Variants in ATG4B observed in about 807,000 individuals in gnomAD.
ATG4B encodes the protein autophagy related 4B cysteine peptidase.
A neutral mutation model predicts 56.6 loss-of-function variants in ATG4B; 29 were observed. That is an observed-to-expected ratio of 0.51 (90% CI 0.38 to 0.70). ATG4B has a LOEUF of 0.70. Among genes scored for constraint, ATG4B ranks in the 30% least tolerant of loss-of-function variants. ATG4B has a pLI of 0.00. For synonymous variants in ATG4B, 224 were observed against 206.1 expected, an observed-to-expected ratio of 1.09 and a Z score of -0.74; for missense variants, 461 against 515.5, an observed-to-expected ratio of 0.89 and a Z score of 1.02.
Position 241,673,261 on chromosome 2 carries a change from C to T in ATG4B, c.*997C>T, listed in dbSNP as rs2069041573. On this transcript the variant is annotated 3_prime_UTR_variant, in exon 13 of 13. Coordinates refer to ENST00000404914, the MANE Select transcript of ATG4B (RefSeq NM_013325.5). ...CATCACCTGGTGGCATTTCCAGAAC[C>T]TCAGCCCCGATTCCAGCACCCACCA... 1 of 326,712 alleles carries T rather than the reference C, an allele frequency of 3.1e-6. No homozygotes were observed. The highest frequency in any genetic ancestry group is 6.1e-6 in the Non-Finnish European group (1 of 163,338). 20.2% of individuals were successfully genotyped at this position (326,712 alleles called of 1,614,324 possible). A position where few individuals can be genotyped will look rare whatever the true frequency, so the allele number is the denominator to read the frequency against.
rs2125154245 is a variant in ATG4B at position 241,673,501 on chromosome 2, C to G, written c.*1237C>G. On this transcript the variant is annotated 3_prime_UTR_variant, in exon 13 of 13. Transcript: ENST00000404914. ...TGTGTAGGTCGGGGAGCCAGAGATC[C>G]CCGAGGACGCGCGCCGGACAGTCGG... The G allele has an allele frequency of 5.0e-6, 2 of 401,718 alleles. No individual in the cohort carries two copies. The highest frequency in any genetic ancestry group is 2.1e-5 in the African/African-American group (1 of 48,524). The allele number at this position is 401,718 out of a possible 1,614,324, so 24.9% of individuals were successfully genotyped here. A position where few individuals can be genotyped will look rare whatever the true frequency, so the allele number is the denominator to read the frequency against.
In ATG4B at chr2:241,651,709, G is replaced by T. The variant is rs984062388; in HGVS notation, c.184+374G>T. ...TTTTCGTTTGCATGTTTGAGTGTGT[G>T]TTCTGGGTCACAGCTGTACAATGTG... is the stretch of plus-strand genomic sequence containing the variant. On this transcript the variant is annotated intron_variant, in intron 3 of 12. Coordinates refer to ENST00000404914, the MANE Select transcript of ATG4B (RefSeq NM_013325.5). This position sits in a 1 kb window ranked among gnomAD's most constrained non-coding sequence, Gnocchi z 4.1. 2.0e-5 allele frequency among the ~76,000 whole-genome samples: 3 copies of T among 152,224 alleles called. No individual in the cohort carries two copies. Among genetic ancestry groups the T allele is most frequent in the Non-Finnish European group, 4.4e-5 (3 of 68,030 alleles).
At chr2:241,637,902 GAGC>G in intron 1 of ATG4B, 178 bp downstream of exon 1, 2 of 165,930 alleles carry the variant, frequency 1.2e-5, no homozygotes, top group African/African-American at 2.5e-5. Flanking sequence ...TGGGCGGTGG[GAGC>G]GGGAGGGGGA....
chr2:241,640,590 C>G (rs1021564583), intron 1 of ATG4B, among the ~76,000 whole-genome samples: 3 of 152,228 alleles, frequency 2.0e-5, no homozygotes, highest in African/African-American at 7.2e-5. Flanking sequence ...AGCTAACGTT[C>G]TAGACATGAG....
intron 6 of ATG4B, among the ~76,000 whole-genome samples, chr2:241,658,733 C>T (rs1053175217): frequency 3.3e-5 from 5 of 152,232 alleles, no homozygotes; most frequent in South Asian, 2.1e-4. Flanking sequence ...CAGAGCAGAG[C>T]GTGAAGGTGC....
At position 241,651,912 on chromosome 2, in the gene ATG4B, C is replaced by T. The variant is rs1435771616; in HGVS notation, c.184+577C>T. The T allele has an allele frequency of 1.5e-6, 2 of 1,303,986 alleles. No individual in the cohort carries two copies. Among genetic ancestry groups the T allele is most frequent in the African/African-American group, 1.5e-5 (1 of 65,860 alleles). The allele number at this position is 1,303,986 out of a possible 1,614,324, so 80.8% of individuals were successfully genotyped here. On this transcript the variant is annotated intron_variant, in intron 3 of 12. Transcript: ENST00000404914. The surrounding 1 kb of genome is among the most constrained non-coding windows in gnomAD (Gnocchi z 4.1). ...TTCATCATTGTTGTATACCCTGGAG[C>T]TGGAAGGAGATGGGGACTGGTTCTC...
At chr2:241,653,395 A>G (rs1283353485) in intron 3 of ATG4B, 117 bp from the exon 4 acceptor site, 6 of 1,551,044 alleles carry the variant, frequency 3.9e-6, no homozygotes, top group Non-Finnish European at 5.2e-6. Context: ...GGTGGAGCTG[A>G]TGGAGGAGGG....
chr2:241,667,872 C>A, intron 8 of ATG4B: 4 of 454,800 alleles, frequency 8.8e-6, no homozygotes, highest in East Asian at 3.9e-5. Context: ...CTGCTCACAT[C>A]TCCTGCCAGG....
At chr2:241,655,672 A>G (rs1392775787) in intron 6 of ATG4B, among the ~76,000 whole-genome samples, 5 of 151,798 alleles carry the variant, frequency 3.3e-5, no homozygotes, top group African/African-American at 1.2e-4. Context: ...GGGCCCTTCC[A>G]CCTCTGCAGG....
chr2:241,655,265 C>T lies in ATG4B; in HGVS notation c.386-6C>T, dbSNP rs1315905935. The T allele has an allele frequency of 6.2e-7, 1 of 1,609,338 alleles. No homozygotes were observed. The highest frequency in any genetic ancestry group is 8.5e-7 in the Non-Finnish European group (1 of 1,177,950). On this transcript the variant is annotated splice_region_variant and splice_polypyrimidine_tract_variant and intron_variant, in intron 5 of 12. Transcript: ENST00000404914. ...TGTGTTGCTAATGTGTATCTGTTCC[C>T]TGCAGCGCAAATGGGAGTTGGCGAA...
At chr2:241,663,557 A>G (rs1217361837) in intron 7 of ATG4B, among the ~76,000 whole-genome samples, 1 of 152,256 alleles carries the variant, frequency 6.6e-6, no homozygotes, top group African/African-American at 2.4e-5. Flanking sequence ...CAGTACTAGT[A>G]TATGGGTTCT....
At chr2:241,671,083 G>A (rs1308956928) in intron 11 of ATG4B, among the ~76,000 whole-genome samples, 2 of 152,206 alleles carry the variant, frequency 1.3e-5, no homozygotes, top group Admixed American at 6.5e-5. Flanking sequence ...GAGCTACGCC[G>A]GCCGAGTGCG....
In ATG4B at chr2:241,666,526, T is replaced by C. The variant is rs542361345; in HGVS notation, c.539-119T>C. ...TATATTTTCCAAGTTTGAATTTCAC[T>C]GTAAGCACCTGGCTTTGTACCGCCC... is the stretch of plus-strand genomic sequence containing the variant. On this transcript the variant is annotated intron_variant, in intron 7 of 12. Coordinates refer to ENST00000404914, the MANE Select transcript of ATG4B (RefSeq NM_013325.5). 1.3e-4 allele frequency: 133 copies of C among 1,056,636 alleles called. No homozygotes were observed. The East Asian group carries it at 3.5e-3, about 27-fold the overall frequency. The allele number at this position is 1,056,636 out of a possible 1,614,324, so 65.5% of individuals were successfully genotyped here. A position where few individuals can be genotyped will look rare whatever the true frequency, so the allele number is the denominator to read the frequency against.
At chr2:241,667,991 G>A in intron 8 of ATG4B, 152 bp from the exon 9 acceptor site, 1 of 675,396 alleles carries the variant, frequency 1.5e-6, no homozygotes, top group Non-Finnish European at 2.5e-6. Context: ...GGTCTTTCCT[G>A]GACAGTAAGC....
intron 6 of ATG4B, among the ~76,000 whole-genome samples, chr2:241,657,305 A>AT (rs1180114345): frequency 2.1e-5 from 2 of 94,786 alleles, no homozygotes; most frequent in Non-Finnish European, 4.3e-5. Flanking sequence ...TTTTTTTTTT[A>AT]TTTTTTTTCC....
chr2:241,651,072 C>T lies in ATG4B; in HGVS notation c.73C>T (p.Pro25Ser). 1 of 1,613,894 alleles carries T rather than the reference C, an allele frequency of 6.2e-7. No individual in the cohort carries two copies. Among genetic ancestry groups the T allele is most frequent in the Non-Finnish European group, 8.5e-7 (1 of 1,179,844 alleles). ...EFEDFPETSE[P>S]VWILGRKYSI... Reference sequence around the variant, plus strand: ...TGAAGATTTTCCTGAGACCTCAGAGCCCGTTTGGATACTGGGTAGAAAATA... The same window carrying T: ...TGAAGATTTTCCTGAGACCTCAGAGTCCGTTTGGATACTGGGTAGAAAATA... Residue 25 changes from proline to serine, a missense_variant, in exon 2 of 13, where the codon CCC (proline) becomes TCC (serine). Physicochemically the swap from Pro to Ser is moderately conservative, Grantham distance 74. Transcript: ENST00000404914. The surrounding 1 kb of genome is among the most constrained non-coding windows in gnomAD (Gnocchi z 4.1).
At chr2:241,652,717 T>G (rs907227486) in intron 3 of ATG4B, among the ~76,000 whole-genome samples, 4 of 152,138 alleles carry the variant, frequency 2.6e-5, no homozygotes, top group Non-Finnish European at 5.9e-5. Flanking sequence ...AGGGTGACCA[T>G]GGGCACTGCT....
At position 241,668,450 on chromosome 2, in the gene ATG4B, G is replaced by A; in HGVS notation, c.812-90G>A. The A allele has an allele frequency of 6.6e-7, 1 of 1,507,086 alleles. No homozygotes were observed. The highest frequency in any genetic ancestry group is 9.0e-7 in the Non-Finnish European group (1 of 1,115,314). The allele number at this position is 1,507,086 out of a possible 1,614,324, so 93.4% of individuals were successfully genotyped here. On this transcript the variant is annotated intron_variant, in intron 9 of 12. Coordinates refer to ENST00000404914, the MANE Select transcript of ATG4B (RefSeq NM_013325.5). The surrounding 1 kb of genome is among the most constrained non-coding windows in gnomAD (Gnocchi z 4.2). ...CCTGCCCACTGCTTCTCAGTGTGAT[G>A]TGGGTGCAGTGGGTCTGAAATGCGG...
At chr2:241,653,188 G>A (rs1282643258) in intron 3 of ATG4B, 8 of 684,554 alleles carry the variant, frequency 1.2e-5, no homozygotes, top group African/African-American at 3.6e-5. Context: ...TGGAAAATGC[G>A]TTGTTTTGTT....
Sources: allele counts gnomAD v4.1 joint callset (sites outside exome capture counted in the v4.1 genomes callset), GRCh38; gene constraint gnomAD v4.1.1; non-coding constraint Gnocchi (gnomAD v3.1); transcripts MANE v1.5; gene names NCBI Gene and HGNC (gene_info 2026-07-23, HGNC 2026-07-21).